Variants in PAX5 observed in about 807,000 individuals in gnomAD.
The protein encoded by PAX5 is paired box protein Pax-5.
A neutral mutation model predicts 43.7 loss-of-function variants in PAX5; 9 were observed. That is an observed-to-expected ratio of 0.21 (90% confidence interval 0.12 to 0.36). The LOEUF (loss-of-function observed/expected upper bound fraction) is 0.36, where lower values mean the gene tolerates loss of function less well. Among genes scored for constraint, PAX5 ranks in the 10% least tolerant of loss-of-function variants. PAX5 has a pLI of 1.00. For synonymous variants in PAX5, 228 were observed against 214.3 expected (o/e 1.06, Z -0.56); for missense variants, 383 against 532.7 (o/e 0.72, Z 2.77).
At chr9:36,873,598 CA>C (rs201749537) in intron 8 of PAX5, among the ~76,000 whole-genome samples, 2,789 of 152,332 alleles carry the variant, frequency 0.018, 32 homozygotes, top group Middle Eastern at 0.068. Context: ...GAAAGAAAGT[CA>C]GGGGTCAAGG....
chr9:36,835,010 T>A lies in PAX5; in HGVS notation c.*5550A>T, dbSNP rs1587706121. 4.3e-6 allele frequency: 1 copy of A among 233,172 alleles called. No individual in the cohort carries two copies. The highest frequency in any genetic ancestry group is 8.5e-6 in the Non-Finnish European group (1 of 118,066). The allele number at this position is 233,172 out of a possible 1,614,324, so 14.4% of individuals were successfully genotyped here. A position where few individuals can be genotyped will look rare whatever the true frequency, so the allele number is the denominator to read the frequency against. The stretch of plus-strand genomic sequence containing the variant: ...CACCGGAAGCTGATGGGTGGGTGGG[T>A]TTGTGCCTCTGTCTCTCCTGCCACA... On this transcript the variant is annotated 3_prime_UTR_variant, in exon 10 of 10. Transcript: ENST00000358127.
chr9:37,019,209 G>T (rs1839654053), intron 2 of PAX5, among the ~76,000 whole-genome samples: 2 of 151,788 alleles, frequency 1.3e-5, no homozygotes, highest in Admixed American at 6.6e-5. Flanking sequence ...TTTTCTCTTT[G>T]TCTTCTTTTT....
intron 7 of PAX5, among the ~76,000 whole-genome samples, chr9:36,906,084 A>G (rs1450938362): frequency 6.6e-6 from 1 of 152,194 alleles, no homozygotes; most frequent in Non-Finnish European, 1.5e-5. Flanking sequence ...CAGGGGAACT[A>G]CAGGACACAC....
chr9:36,985,603 G>A (rs1836325902), intron 5 of PAX5, among the ~76,000 whole-genome samples: 1 of 152,336 alleles, frequency 6.6e-6, no homozygotes, highest in Non-Finnish European at 1.5e-5. Flanking sequence ...GGGCCTCAGA[G>A]CCAGCCATCT....
chr9:36,946,293 G>A (rs1277735479), intron 6 of PAX5, among the ~76,000 whole-genome samples: 2 of 152,194 alleles, frequency 1.3e-5, no homozygotes, highest in Admixed American at 6.5e-5. Context: ...GCGCTGCCTC[G>A]AGCATTTCCG....
intron 9 of PAX5, among the ~76,000 whole-genome samples, chr9:36,846,617 A>G (rs1386970840): frequency 3.3e-5 from 5 of 151,962 alleles, no homozygotes; most frequent in Admixed American, 6.6e-5. Flanking sequence ...CATTTTTCCT[A>G]ACCCACCAAA....
chr9:36,990,721 C>T (rs925724970), intron 5 of PAX5, among the ~76,000 whole-genome samples: 2 of 152,274 alleles, frequency 1.3e-5, no homozygotes, highest in Non-Finnish European at 2.9e-5. Context: ...TGAGCAAACG[C>T]TTGCCATAAG....
chr9:36,943,544 A>T (rs1362286689), intron 6 of PAX5, among the ~76,000 whole-genome samples: 5 of 151,878 alleles, frequency 3.3e-5, no homozygotes, highest in East Asian at 1.9e-4. Context: ...ACACACACAC[A>T]CACACACACA....
Position 36,961,713 on chromosome 9 carries a change from G to A in PAX5, c.780+4836C>T, listed in dbSNP as rs540319045. On this transcript the variant is annotated intron_variant, in intron 6 of 9. Transcript: ENST00000358127. ...GCTCCGTAGCCTTCCTGTGGCCGCC[G>A]GAGGAGGGACCCGCTCCCAACAGGA... 2.1e-3 allele frequency among the ~76,000 whole-genome samples: 314 copies of A among 152,282 alleles called. 1 individual carries two copies. The highest frequency in any genetic ancestry group is 0.013 in the South Asian group (62 of 4,822).
chr9:36,877,232 G>A, intron 8 of PAX5, among the ~76,000 whole-genome samples: 1 of 152,216 alleles, frequency 6.6e-6, no homozygotes, highest in South Asian at 2.1e-4. Context: ...CTACTCGGGA[G>A]GCTGAGGTGA....
At chr9:36,998,526 T>C (rs1196152992) in intron 5 of PAX5, among the ~76,000 whole-genome samples, 1 of 152,228 alleles carries the variant, frequency 6.6e-6, no homozygotes, top group Non-Finnish European at 1.5e-5. Flanking sequence ...ACTGAGCACC[T>C]ACTATGTGCC....
At chr9:36,874,829 C>T (rs1243798636) in intron 8 of PAX5, among the ~76,000 whole-genome samples, 3 of 152,192 alleles carry the variant, frequency 2.0e-5, no homozygotes, top group Non-Finnish European at 2.9e-5. Flanking sequence ...CTTCTCTGTT[C>T]ACCGCCCTAT....
chr9:37,028,945 T>A (rs780360926), intron 1 of PAX5, among the ~76,000 whole-genome samples: 3 of 152,206 alleles, frequency 2.0e-5, no homozygotes, highest in Non-Finnish European at 4.4e-5. Flanking sequence ...TCAAAGAAAC[T>A]GGACCTTGAA....
chr9:36,948,243 G>A (rs1832718044), intron 6 of PAX5, among the ~76,000 whole-genome samples: 1 of 152,196 alleles, frequency 6.6e-6, no homozygotes, highest in Admixed American at 6.5e-5. Flanking sequence ...TTGCCATGTG[G>A]CCAGCACAGG....
At chr9:36,931,809 C>A (rs1831152030) in intron 6 of PAX5, among the ~76,000 whole-genome samples, 1 of 149,030 alleles carries the variant, frequency 6.7e-6, no homozygotes, top group African/African-American at 2.5e-5. Flanking sequence ...CGAGATCGAG[C>A]CACTGCATTC....
At chr9:36,969,596 C>T (rs990950235) in intron 5 of PAX5, among the ~76,000 whole-genome samples, 6 of 152,256 alleles carry the variant, frequency 3.9e-5, no homozygotes, top group African/African-American at 9.6e-5. Flanking sequence ...GCTGGACACG[C>T]GCCCCTCTCT....
intron 6 of PAX5, among the ~76,000 whole-genome samples, chr9:36,930,478 C>A (rs1426257485): frequency 6.6e-6 from 1 of 152,126 alleles, no homozygotes; most frequent in Non-Finnish European, 1.5e-5. Context: ...CCACCCACCC[C>A]AACCTCCCAA....
intron 7 of PAX5, among the ~76,000 whole-genome samples, chr9:36,900,100 G>T (rs749237468): frequency 6.6e-6 from 1 of 152,142 alleles, no homozygotes; most frequent in African/African-American, 2.4e-5. Context: ...TGACATCATC[G>T]AACATCCTTC....
intron 8 of PAX5, among the ~76,000 whole-genome samples, chr9:36,859,992 G>A (rs1415741648): frequency 1.3e-5 from 2 of 150,372 alleles, no homozygotes; most frequent in African/African-American, 4.9e-5. Flanking sequence ...CTGAGATCAC[G>A]CCACTGCACT....
Sources: allele counts gnomAD v4.1 joint callset (sites outside exome capture counted in the v4.1 genomes callset), GRCh38; gene constraint gnomAD v4.1.1; transcripts MANE v1.5; gene names NCBI Gene and HGNC (gene_info 2026-07-23, HGNC 2026-07-21).